Variants in ATXN1 observed in about 807,000 individuals in gnomAD.
The protein encoded by ATXN1 is ataxin 1.
ATXN1 carries 8 observed loss-of-function variants against 56.4 expected under a neutral mutation model. The observed-to-expected ratio is 0.14, with a 90% CI of 0.08 to 0.26. The LOEUF (loss-of-function observed/expected upper bound fraction) is 0.26. Among genes scored for constraint, ATXN1 ranks in the 10% least tolerant of loss-of-function variants. The probability of loss-of-function intolerance (pLI) is 1.00; values close to 1 mark genes in which losing one functional copy is unlikely to be tolerated. For synonymous variants in ATXN1, 514 were observed against 494.6 expected (o/e 1.04, Z -0.52); for missense variants, 987 against 1,106.5 (o/e 0.89, Z 1.53).
chr6:16,754,374 T>C (rs887337600), intron 1 of ATXN1, among the ~76,000 whole-genome samples: 3 of 152,144 alleles, frequency 2.0e-5, no homozygotes, highest in African/African-American at 7.2e-5. Context: ...CAGGTAACAG[T>C]AGGAAGAAGG....
chr6:16,361,082 T>C (rs190429365), intron 6 of ATXN1, among the ~76,000 whole-genome samples: 1 of 152,362 alleles, frequency 6.6e-6, no homozygotes. Flanking sequence ...AAATGCTCAA[T>C]AGTGAATATG....
chr6:16,575,195 G>A (rs1338390149), intron 4 of ATXN1, among the ~76,000 whole-genome samples: 1 of 151,978 alleles, frequency 6.6e-6, no homozygotes. Flanking sequence ...GTTTGGGGTA[G>A]GGATATTTTA....
At chr6:16,457,352 A>G (rs1759896907) in intron 6 of ATXN1, among the ~76,000 whole-genome samples, 1 of 151,776 alleles carries the variant, frequency 6.6e-6, no homozygotes, top group African/African-American at 2.4e-5. Flanking sequence ...AGCAGGATCC[A>G]GGGACTGTTG....
intron 3 of ATXN1, among the ~76,000 whole-genome samples, chr6:16,617,748 T>C (rs1279335294): frequency 1.0e-5 from 1 of 97,934 alleles, no homozygotes; most frequent in Non-Finnish European, 1.8e-5. Context: ...GCCTGGGCAA[T>C]AGAGAGAAAC....
intron 2 of ATXN1, among the ~76,000 whole-genome samples, chr6:16,687,695 C>T (rs1561808663): frequency 6.8e-6 from 1 of 147,764 alleles, no homozygotes; most frequent in African/African-American, 2.5e-5. Flanking sequence ...CACACACACA[C>T]GGAGGATACA....
intron 7 of ATXN1, among the ~76,000 whole-genome samples, chr6:16,316,085 T>G (rs1760501389): frequency 6.6e-6 from 1 of 152,174 alleles, no homozygotes; most frequent in African/African-American, 2.4e-5. Context: ...TGAGCAACCA[T>G]TCCAGACTGA....
intron 5 of ATXN1, among the ~76,000 whole-genome samples, chr6:16,491,280 T>TTA (rs1561723448): frequency 0.018 from 1,993 of 109,762 alleles, 11 homozygotes; most frequent in Non-Finnish European, 0.022. Context: ...TATTATTATT[T>TTA]TTTTTTTTTT....
At chr6:16,514,983 AAAT>A (rs571110951) in intron 5 of ATXN1, among the ~76,000 whole-genome samples, 14 of 151,026 alleles carry the variant, frequency 9.3e-5, no homozygotes, top group East Asian at 5.8e-4. Context: ...CTCTGTCTCA[AAAT>A]AATAATAATA....
At chr6:16,312,738 C>T (rs1326672196) in intron 7 of ATXN1, among the ~76,000 whole-genome samples, 1 of 152,114 alleles carries the variant, frequency 6.6e-6, no homozygotes, top group African/African-American at 2.4e-5. Context: ...CAAAGAAGTT[C>T]TCAACCTTCT....
chr6:16,524,372 G>A (rs976953237), intron 4 of ATXN1, among the ~76,000 whole-genome samples: 3 of 152,196 alleles, frequency 2.0e-5, no homozygotes, highest in Non-Finnish European at 2.9e-5. Context: ...CAAAATCTCT[G>A]AGTATCTTCT....
chr6:16,704,321 TGAAC>T (rs386697508), intron 2 of ATXN1, among the ~76,000 whole-genome samples: 14,301 of 152,214 alleles, frequency 0.094, 1,144 homozygotes, highest in African/African-American at 0.22. Flanking sequence ...TCATTGCCTC[TGAAC>T]CCCCTTTCCC....
chr6:16,653,270 C>T (rs554262972), intron 3 of ATXN1, among the ~76,000 whole-genome samples: 3 of 152,266 alleles, frequency 2.0e-5, no homozygotes, highest in East Asian at 3.9e-4. Context: ...GAACAAGAGG[C>T]GGACGGAAGG....
chr6:16,602,974 TGA>T (rs1762939010), intron 3 of ATXN1, among the ~76,000 whole-genome samples: 1 of 152,176 alleles, frequency 6.6e-6, no homozygotes, highest in African/African-American at 2.4e-5. Flanking sequence ...ATAATAATTA[TGA>T]GATAATGATA....
intron 6 of ATXN1, among the ~76,000 whole-genome samples, chr6:16,343,236 T>C (rs1761297066): frequency 6.6e-6 from 1 of 152,066 alleles, no homozygotes; most frequent in African/African-American, 2.4e-5. Flanking sequence ...TCCCAGCTAC[T>C]CGAGAGGCTG....
chr6:16,329,268 C>T (rs1420124040), intron 6 of ATXN1, among the ~76,000 whole-genome samples: 1 of 152,080 alleles, frequency 6.6e-6, no homozygotes. Context: ...TGAGAAAAAG[C>T]AGGTTAGCAG....
intron 5 of ATXN1, among the ~76,000 whole-genome samples, chr6:16,515,047 G>A (rs971567191): frequency 4.0e-5 from 6 of 151,596 alleles, no homozygotes; most frequent in Admixed American, 6.6e-5. Flanking sequence ...GGACACCTTC[G>A]GTAGCCACCT....
At chr6:16,519,039 C>G (rs950412668) in intron 5 of ATXN1, among the ~76,000 whole-genome samples, 2 of 152,162 alleles carry the variant, frequency 1.3e-5, no homozygotes, top group Non-Finnish European at 1.5e-5. Context: ...TATTTACACA[C>G]TTGCCTCACA....
intron 6 of ATXN1, among the ~76,000 whole-genome samples, chr6:16,337,534 T>A (rs977977985): frequency 2.6e-5 from 4 of 152,278 alleles, no homozygotes; most frequent in African/African-American, 4.8e-5. Context: ...AATAACCATC[T>A]GGATCCAAGC....
At chr6:16,552,004 C>G (rs1189757935) in intron 4 of ATXN1, among the ~76,000 whole-genome samples, 1 of 152,222 alleles carries the variant, frequency 6.6e-6, no homozygotes, top group African/African-American at 2.4e-5. Context: ...CTGCAAGATG[C>G]ACCTGTGTGC....
Sources: allele counts gnomAD v4.1 joint callset (sites outside exome capture counted in the v4.1 genomes callset), GRCh38; gene constraint gnomAD v4.1.1; transcripts MANE v1.5; gene names NCBI Gene and HGNC (gene_info 2026-07-23, HGNC 2026-07-21).